The following TMEM225B variants were observed in gnomAD, a reference collection of about 807,000 sequenced individuals.
The protein encoded by TMEM225B is transmembrane protein 225B, also known as transmembrane protein 225-like.
Under a neutral mutation model 16.9 loss-of-function variants are expected in TMEM225B, and 10 were observed. The ratio of observed to expected loss-of-function variants is 0.59; its 90% CI spans 0.36 to 1.00. The LOEUF (loss-of-function observed/expected upper bound fraction) is 1.00. Among genes scored for constraint, TMEM225B ranks in the 50% least tolerant of loss-of-function variants. The pLI is 0.01. For missense variants in TMEM225B, 217 were observed against 267.0 expected, an observed-to-expected ratio of 0.81 and a Z score of 1.30; for synonymous variants, 92 against 109.8, an observed-to-expected ratio of 0.84 and a Z score of 1.01.
intron 1 of TMEM225B, among the ~76,000 whole-genome samples, chr7:99,599,777 G>C (rs1805188910): frequency 6.6e-6 from 1 of 152,192 alleles, no homozygotes. Flanking sequence ...TGGCTGGTGA[G>C]ACTGTCCTGG....
In TMEM225B at chr7:99,606,746, A is replaced by G; in HGVS notation, c.209-2A>G. The G allele has an allele frequency of 6.5e-7, 1 of 1,535,922 alleles. No homozygotes were observed. ...TCAGCCCCACTTCTCCCTCCCCTGC[A>G]GTTTACATCATCCTCGGCCGGGTTT... On this transcript the variant is annotated splice_acceptor_variant, in intron 3 of 5. Coordinates refer to ENST00000431679, the MANE Select transcript of TMEM225B (RefSeq NM_001195541.3). LOFTEE classifies it high-confidence loss of function.
chr7:99,606,863 C>G lies in TMEM225B; in HGVS notation c.324C>G (p.Asn108Lys). 3 of 1,536,160 alleles carry G rather than the reference C, an allele frequency of 2.0e-6. No individual in the cohort carries two copies. The highest frequency in any genetic ancestry group is 2.6e-6 in the Non-Finnish European group (3 of 1,146,918). The change falls in exon 4 of 6, where the codon AAC (asparagine) becomes AAG (lysine). Residue 108 changes from asparagine to lysine, a missense_variant. Physicochemically the swap from Asn to Lys is moderately conservative, Grantham distance 94. Coordinates refer to ENST00000431679, the MANE Select transcript of TMEM225B (RefSeq NM_001195541.3). ...SEFFPRTWKQNFVLACISFFT... is the reference protein window; with the variant it reads ...SEFFPRTWKQKFVLACISFFT... ...TCTTCCCGAGGACCTGGAAGCAAAA[C>G]TTTGTGTTAGCCTGCATCAGCTTCT... is the stretch of plus-strand genomic sequence containing the variant.
chr7:99,606,079 A>G lies in TMEM225B; in HGVS notation c.209-669A>G, dbSNP rs530784476. On this transcript the variant is annotated intron_variant, in intron 3 of 5. Coordinates refer to ENST00000431679, the MANE Select transcript of TMEM225B (RefSeq NM_001195541.3). Reference sequence around the variant, plus strand: ...GTTTGATTTTGTGTTGCTTTTTAAAACCACCATTTTCCCCTAGTGGATGAT... The same window carrying G: ...GTTTGATTTTGTGTTGCTTTTTAAAGCCACCATTTTCCCCTAGTGGATGAT... 2.6e-5 allele frequency among the ~76,000 whole-genome samples: 4 copies of G among 152,306 alleles called. No individual in the cohort carries two copies. In the East Asian group the frequency reaches 7.7e-4, roughly 29 times the overall value.
At chr7:99,600,075 G>A in intron 1 of TMEM225B, 130 bp from the exon 2 acceptor site, 4 of 642,112 alleles carry the variant, frequency 6.2e-6, no homozygotes, top group South Asian at 5.3e-5. Context: ...TCACTGGAGA[G>A]TGGAGGGGGC....
Position 99,604,500 on chromosome 7 carries a change from G to T in TMEM225B, c.112G>T (p.Val38Leu), listed in dbSNP as rs1406874676. Residue 38 changes from valine (V) to leucine (L), a missense_variant, in exon 3 of 6, where the codon GTG (valine) becomes TTG (leucine). Coordinates refer to ENST00000431679, the MANE Select transcript of TMEM225B (RefSeq NM_001195541.3). Reference protein sequence around the residue: ...ILVVSIFPFWVRLTNEESHEV... With the variant: ...ILVVSIFPFWLRLTNEESHEV... ...GGTGGTCTCCATCTTTCCCTTCTGG[G>T]TGCGACTGACAAACGAGGAGTCCCA... 1 of 1,536,094 alleles carries T rather than the reference G, an allele frequency of 6.5e-7. No homozygotes were observed. The highest frequency in any genetic ancestry group is 2.0e-5 in the Admixed American group (1 of 51,000).
rs1805946414 is a variant in TMEM225B, at chr7:99,607,751, T to G, written c.434T>G (p.Phe145Cys). Residue 145 changes from phenylalanine (F) to cysteine (C), a missense_variant, in exon 5 of 6, where the codon TTC (phenylalanine) becomes TGC (cysteine). Transcript: ENST00000431679. Reference protein sequence around the residue: ...ALRMKLGPLQFSVLWPYYVLG... With the variant: ...ALRMKLGPLQCSVLWPYYVLG... Reference sequence around the variant, plus strand: ...AGGATGAAGCTCGGCCCCCTGCAGTTCTCCGTGCTGTGGCCTTACTACGTG... The same window carrying G: ...AGGATGAAGCTCGGCCCCCTGCAGTGCTCCGTGCTGTGGCCTTACTACGTG... 6.5e-7 allele frequency: 1 copy of G among 1,535,974 alleles called. No individual in the cohort carries two copies. The highest frequency in any genetic ancestry group is 8.7e-7 in the Non-Finnish European group (1 of 1,146,898).
intron 5 of TMEM225B, among the ~76,000 whole-genome samples, chr7:99,609,438 G>A (rs1806147422): frequency 6.6e-6 from 1 of 151,904 alleles, no homozygotes; most frequent in African/African-American, 2.4e-5. Context: ...ATCTCCATTT[G>A]TTGTCTCTTT....
chr7:99,610,472 C>T lies in TMEM225B; in HGVS notation c.573C>T (p.His191=), dbSNP rs781746104. 9 of 1,535,952 alleles carry T rather than the reference C, an allele frequency of 5.9e-6. No individual in the cohort carries two copies. Among genetic ancestry groups the T allele is most frequent in the South Asian group, 2.4e-5 (2 of 84,060 alleles). ...CTTCCCAGAGTATGGAGGAGGACCA[C>T]GGGAGCCTGTACCTGGACAATCTGG... ...LSTSQSMEED[H]GSLYLDNLES... The change falls in exon 6 of 6, where the codon CAC becomes CAT. Residue 191 remains histidine, a synonymous_variant. Transcript: ENST00000431679.
intron 5 of TMEM225B, among the ~76,000 whole-genome samples, chr7:99,609,271 T>C (rs143839376): frequency 4.2e-4 from 64 of 152,346 alleles, no homozygotes; most frequent in African/African-American, 1.5e-3. Flanking sequence ...TAATTCCATT[T>C]TTCCATGATT....
intron 1 of TMEM225B, among the ~76,000 whole-genome samples, chr7:99,599,987 T>G (rs1199129363): frequency 6.6e-6 from 1 of 152,202 alleles, no homozygotes; most frequent in African/African-American, 2.4e-5. Context: ...AGATGTAACC[T>G]TGTCCAGTGC....
intron 5 of TMEM225B, among the ~76,000 whole-genome samples, chr7:99,608,838 CGT>C (rs1491585599): frequency 1.3e-4 from 14 of 110,034 alleles, no homozygotes; most frequent in African/African-American, 9.5e-4. Context: ...TGTGTGTGCA[CGT>C]ATATATATAT....
chr7:99,600,425 C>G (rs73405282), intron 2 of TMEM225B, 140 bp downstream of exon 2: 1 of 643,074 alleles, frequency 1.6e-6, no homozygotes, highest in Non-Finnish European at 2.8e-6. Flanking sequence ...CAGGAAGGAA[C>G]CCAGGTGTAT....
chr7:99,604,525 A>G lies in TMEM225B; in HGVS notation c.137A>G (p.His46Arg). Residue 46 changes from histidine (H) to arginine (R), a missense_variant, in exon 3 of 6, where the codon CAC becomes CGC. His to Arg is a conservative substitution (Grantham distance 29). Transcript: ENST00000431679. ...GTGCGACTGACAAACGAGGAGTCCC[A>G]CGAAGTCTTTTTCAGTGGCCTATTT... ...FWVRLTNEESHEVFFSGLFEN... is the reference protein window; with the variant it reads ...FWVRLTNEESREVFFSGLFEN... 6.5e-7 allele frequency: 1 copy of G among 1,536,140 alleles called. No individual in the cohort carries two copies. The highest frequency in any genetic ancestry group is 8.7e-7 in the Non-Finnish European group (1 of 1,146,904).
rs546319176 is a variant in TMEM225B at position 99,604,564 on chromosome 7, A to G, written c.176A>G (p.Asn59Ser). The G allele has an allele frequency of 3.9e-6, 6 of 1,535,952 alleles. No individual in the cohort carries two copies. In the African/African-American group the frequency reaches 4.1e-5, roughly 11 times the overall value. The change falls in exon 3 of 6, where the codon AAT (asparagine) becomes AGT (serine). Residue 59 changes from asparagine to serine, a missense_variant. Transcript: ENST00000431679. Reference protein sequence around the residue: ...FFSGLFENCFNAKCWKPRPLS... With the variant: ...FFSGLFENCFSAKCWKPRPLS... ...AGTGGCCTATTTGAGAACTGCTTCA[A>G]TGCCAAATGCTGGAAGCCTCGACCC...
chr7:99,607,017 T>A, intron 4 of TMEM225B, 123 bp downstream of exon 4: 10 of 1,072,582 alleles, frequency 9.3e-6, no homozygotes, highest in Non-Finnish European at 1.3e-5. Flanking sequence ...GGACAGGGTC[T>A]CACTCTGTTA....
At chr7:99,605,261 C>T (rs1322533384) in intron 3 of TMEM225B, among the ~76,000 whole-genome samples, 2 of 152,020 alleles carry the variant, frequency 1.3e-5, no homozygotes, top group African/African-American at 4.8e-5. Flanking sequence ...TATTTCACTA[C>T]TTCTGTTATT....
intron 2 of TMEM225B, 62 bp from the exon 3 acceptor site, chr7:99,604,324 T>G (rs531297557): frequency 9.1e-7 from 1 of 1,104,032 alleles, no homozygotes; most frequent in African/African-American, 1.5e-5. Flanking sequence ...TCTCCTTCCC[T>G]CTGTGCTGCA....
intron 2 of TMEM225B, among the ~76,000 whole-genome samples, chr7:99,603,272 G>A (rs1011074361): frequency 1.3e-5 from 2 of 152,146 alleles, no homozygotes; most frequent in African/African-American, 4.8e-5. Flanking sequence ...ACTGAATAAG[G>A]GCACCTAAGG....
At chr7:99,600,148 G>A in intron 1 of TMEM225B, 57 bp from the exon 2 acceptor site, 1 of 701,486 alleles carries the variant, frequency 1.4e-6, no homozygotes, top group Non-Finnish European at 2.6e-6. Flanking sequence ...AGTAACCCCG[G>A]GCTGTGAAGA....
Sources: allele counts gnomAD v4.1 joint callset (sites outside exome capture counted in the v4.1 genomes callset), GRCh38; gene constraint gnomAD v4.1.1; transcripts MANE v1.5; gene names NCBI Gene and HGNC (gene_info 2026-07-23, HGNC 2026-07-21).